Variants in USP7 observed in about 807,000 individuals in gnomAD.
USP7 encodes ubiquitin specific peptidase 7, also known as ubiquitin C-terminal hydrolase 7.
Under a neutral mutation model 162.9 loss-of-function variants are expected in USP7, and 9 were observed. The observed-to-expected ratio is 0.06, with a 90% CI of 0.03 to 0.10. The LOEUF (loss-of-function observed/expected upper bound fraction) is 0.10, where lower values mean the gene tolerates loss of function less well. USP7 is among the 10% of genes least tolerant of loss of function. The probability of loss-of-function intolerance (pLI) is 1.00; values close to 1 mark genes in which losing one functional copy is unlikely to be tolerated. For missense variants in USP7, 715 were observed against 1,373.7 expected, an observed-to-expected ratio of 0.52 and a Z score of 7.58; for synonymous variants, 562 against 475.9, an observed-to-expected ratio of 1.18 and a Z score of -2.35.
At chr16:8,960,375 C>A (rs1899964081) in intron 1 of USP7, among the ~76,000 whole-genome samples, 1 of 152,186 alleles carries the variant, frequency 6.6e-6, no homozygotes, top group African/African-American at 2.4e-5. Context: ...TATTCCAGAG[C>A]ACTGCTGTTT....
At chr16:8,923,493 G>T in intron 2 of USP7, 80 bp from the exon 3 acceptor site, 1 of 1,436,684 alleles carries the variant, frequency 7.0e-7, no homozygotes, top group Non-Finnish European at 9.5e-7. Context: ...GGAGTAAACT[G>T]TTCTATACAT....
intron 1 of USP7, among the ~76,000 whole-genome samples, chr16:8,961,504 A>AGTG (rs1900009819): frequency 1.7e-5 from 1 of 60,562 alleles, no homozygotes; most frequent in Non-Finnish European, 3.1e-5. Context: ...AAAAAAAAAA[A>AGTG]GGGGGGGGGG....
intron 1 of USP7, among the ~76,000 whole-genome samples, chr16:8,941,765 C>G (rs1019208738): frequency 6.6e-6 from 1 of 152,080 alleles, no homozygotes; most frequent in Non-Finnish European, 1.5e-5. Flanking sequence ...CTGCCTCTCC[C>G]CAGGTGTGAG....
intron 1 of USP7, among the ~76,000 whole-genome samples, chr16:8,937,884 C>G (rs1019279030): frequency 1.2e-4 from 19 of 152,120 alleles, no homozygotes; most frequent in African/African-American, 4.1e-4. Context: ...GGGGAGCTTG[C>G]ATCTATGTGG....
At chr16:8,919,846 C>G (rs1358777957) in intron 5 of USP7, among the ~76,000 whole-genome samples, 3 of 152,124 alleles carry the variant, frequency 2.0e-5, no homozygotes, top group Non-Finnish European at 4.4e-5. Flanking sequence ...TGCGCAGTAC[C>G]ATTCACCAGC....
intron 1 of USP7, among the ~76,000 whole-genome samples, chr16:8,940,235 G>C (rs563270879): frequency 6.6e-6 from 1 of 152,240 alleles, no homozygotes; most frequent in African/African-American, 2.4e-5. Flanking sequence ...ACCTGTCTAG[G>C]CATCCTACAG....
chr16:8,920,976 C>T (rs1265728215), intron 4 of USP7, among the ~76,000 whole-genome samples, 181 bp downstream of exon 4: 1 of 152,186 alleles, frequency 6.6e-6, no homozygotes, highest in African/African-American at 2.4e-5. Flanking sequence ...GACGTGAATC[C>T]AGAAAGCTGC....
At chr16:8,923,087 G>A (rs930255315) in intron 3 of USP7, 128 bp downstream of exon 3, 2 of 623,358 alleles carry the variant, frequency 3.2e-6, no homozygotes. Flanking sequence ...ATACCAGTGG[G>A]TTTTAAAGAG....
At chr16:8,951,538 C>T (rs548062836) in intron 1 of USP7, among the ~76,000 whole-genome samples, 2 of 152,126 alleles carry the variant, frequency 1.3e-5, no homozygotes, top group Admixed American at 1.3e-4. Flanking sequence ...CCTGGATATC[C>T]TATTTGCTCA....
chr16:8,945,772 G>A (rs1447298600), intron 1 of USP7, among the ~76,000 whole-genome samples: 1 of 152,000 alleles, frequency 6.6e-6, no homozygotes, highest in Non-Finnish European at 1.5e-5. Context: ...CAGATCCACT[G>A]GGTGTGGTGG....
intron 1 of USP7, chr16:8,956,502 C>G (rs558448982): frequency 6.6e-6 from 1 of 152,324 alleles, no homozygotes; most frequent in Non-Finnish European, 1.5e-5. Context: ...CAGTGGCCCA[C>G]GCCTGTAATC....
At chr16:8,906,619 T>G in intron 12 of USP7, 37 bp from the exon 13 acceptor site, 1 of 1,587,676 alleles carries the variant, frequency 6.3e-7, no homozygotes, top group Non-Finnish European at 8.6e-7. Context: ...TCAGTATTAA[T>G]TTACACAAAA....
intron 23 of USP7, 135 bp downstream of exon 23, chr16:8,898,986 A>G (rs2061732235): frequency 3.1e-6 from 3 of 952,418 alleles, no homozygotes; most frequent in South Asian, 1.5e-5. Flanking sequence ...GAGTGGTGAC[A>G]ATTCTGAAAC....
chr16:8,942,469 G>C (rs1006833518), intron 1 of USP7, among the ~76,000 whole-genome samples: 14 of 152,354 alleles, frequency 9.2e-5, no homozygotes, highest in South Asian at 4.1e-4. Context: ...GCCTGTCAAA[G>C]TAGATCCCTG....
At chr16:8,950,066 A>C (rs576592448) in intron 1 of USP7, among the ~76,000 whole-genome samples, 114 of 152,382 alleles carry the variant, frequency 7.5e-4, no homozygotes, top group Non-Finnish European at 1.5e-3. Flanking sequence ...GTTGTGACAG[A>C]GGAATTGGTA....
chr16:8,930,662 C>T (rs985779944), intron 1 of USP7, among the ~76,000 whole-genome samples: 1 of 152,132 alleles, frequency 6.6e-6, no homozygotes, highest in Non-Finnish European at 1.5e-5. Flanking sequence ...CTGCACAAAA[C>T]TTTTTATATA....
At chr16:8,903,544 C>T (rs748128385) in intron 15 of USP7, 142 bp from the exon 16 acceptor site, 48 of 1,128,872 alleles carry the variant, frequency 4.3e-5, no homozygotes, top group East Asian at 3.2e-4. Context: ...GAAGAAAAAC[C>T]GCATAAAATG....
chr16:8,945,298 C>A (rs1192941028), intron 1 of USP7, among the ~76,000 whole-genome samples: 1 of 152,110 alleles, frequency 6.6e-6, no homozygotes, highest in East Asian at 1.9e-4. Context: ...GCACAAGAAT[C>A]GTTTGTACCT....
At chr16:8,926,949 C>T (rs1369090483) in intron 2 of USP7, among the ~76,000 whole-genome samples, 1 of 152,218 alleles carries the variant, frequency 6.6e-6, no homozygotes, top group Admixed American at 6.5e-5. Context: ...GAAGTTCCCA[C>T]TGTGCACTTT....
Sources: allele counts gnomAD v4.1 joint callset (sites outside exome capture counted in the v4.1 genomes callset), GRCh38; gene constraint gnomAD v4.1.1; transcripts MANE v1.5; gene names NCBI Gene and HGNC (gene_info 2026-07-23, HGNC 2026-07-21).